Variants in STRN observed in about 807,000 individuals in gnomAD.
The protein encoded by STRN is striatin.
In STRN, 53 loss-of-function variants were observed where a neutral mutation model predicts 96.3. The observed-to-expected ratio is 0.55, with a 90% CI of 0.44 to 0.69. The LOEUF is 0.69. Among genes scored for constraint, STRN ranks in the 30% least tolerant of loss-of-function variants. The probability of loss-of-function intolerance (pLI) is 0.00; values close to 1 mark genes in which losing one functional copy is unlikely to be tolerated. For synonymous variants in STRN, 428 were observed against 355.9 expected, an observed-to-expected ratio of 1.20 and a Z score of -2.28; for missense variants, 987 against 963.9, an observed-to-expected ratio of 1.02 and a Z score of -0.32.
At position 36,957,275 on chromosome 2, in the gene STRN, C is replaced by G. The variant is rs1386930693; in HGVS notation, c.234+8955G>C. Among the ~76,000 whole-genome samples, 3 of 152,160 alleles carry G rather than the reference C, an allele frequency of 2.0e-5. No individual in the cohort carries two copies. The East Asian group carries it at 5.8e-4, about 29-fold the overall frequency. On this transcript the variant is annotated intron_variant, in intron 1 of 17. Coordinates refer to ENST00000263918, the MANE Select transcript of STRN (RefSeq NM_003162.4). ...CACATCAGCTGGGTGGCCCAAACAT[C>G]TTAAGTAATGCATTTACTTTAAAGT...
chr2:36,918,458 T>TTA (rs929057391), intron 2 of STRN, among the ~76,000 whole-genome samples: 9 of 151,782 alleles, frequency 5.9e-5, no homozygotes, highest in South Asian at 2.1e-4. Context: ...TTTATATTTT[T>TTA]TATATATATA....
chr2:36,879,120 G>C (rs927304426), intron 9 of STRN, among the ~76,000 whole-genome samples: 3 of 151,726 alleles, frequency 2.0e-5, no homozygotes, highest in Non-Finnish European at 4.4e-5. Context: ...GCCCAGGCTG[G>C]AGTGCACTGG....
At chr2:36,940,703 G>A (rs1466609708) in intron 1 of STRN, among the ~76,000 whole-genome samples, 1 of 151,806 alleles carries the variant, frequency 6.6e-6, no homozygotes, top group Non-Finnish European at 1.5e-5. Flanking sequence ...AGGCATGGTG[G>A]CGGGGCGCCT....
intron 1 of STRN, among the ~76,000 whole-genome samples, chr2:36,960,300 A>G (rs1664995486): frequency 1.3e-5 from 2 of 152,228 alleles, no homozygotes; most frequent in Admixed American, 1.3e-4. Flanking sequence ...AAGCAAATAC[A>G]CTTGAAGTAT....
At chr2:36,954,285 T>C (rs1447906683) in intron 1 of STRN, among the ~76,000 whole-genome samples, 2 of 151,824 alleles carry the variant, frequency 1.3e-5, no homozygotes, top group Non-Finnish European at 2.9e-5. Context: ...CTGAGGCAGA[T>C]GGATCACTTG....
intron 1 of STRN, among the ~76,000 whole-genome samples, chr2:36,949,817 G>A (rs1426382292): frequency 6.6e-6 from 1 of 152,128 alleles, no homozygotes; most frequent in African/African-American, 2.4e-5. Flanking sequence ...GCAAAAACTG[G>A]ACATGTACAA....
At chr2:36,958,358 G>A (rs534573135) in intron 1 of STRN, among the ~76,000 whole-genome samples, 11 of 152,220 alleles carry the variant, frequency 7.2e-5, no homozygotes, top group Admixed American at 4.6e-4. Context: ...TAAAGGAAAC[G>A]CAAAGACACT....
rs1668060531 is a variant in STRN at position 36,845,919 on chromosome 2, A to ACACACACACACACACACGCATG, written c.*3536_*3537insCATGCGTGTGTGTGTGTGTGTG. The ACACACACACACACACACGCATG allele has an allele frequency of 7.3e-5, 2 of 27,560 alleles. No individual in the cohort carries two copies. Among genetic ancestry groups the ACACACACACACACACACGCATG allele is most frequent in the Admixed American group, 5.7e-4 (1 of 1,740 alleles). 1.7% of individuals were successfully genotyped at this position (27,560 alleles called of 1,614,324 possible). On this transcript the variant is annotated 3_prime_UTR_variant, in exon 18 of 18. Coordinates refer to ENST00000263918, the MANE Select transcript of STRN (RefSeq NM_003162.4). ...CACACACACACACGCATGCATGCAC[A>ACACACACACACACACACGCATG]CACACACACACACACACACACACAC...
At chr2:36,887,419 G>A (rs1390478267) in intron 7 of STRN, among the ~76,000 whole-genome samples, 4 of 151,792 alleles carry the variant, frequency 2.6e-5, no homozygotes, top group Non-Finnish European at 5.9e-5. Flanking sequence ...GCAATGAGCC[G>A]AGATTGTGCC....
rs555947726 is a variant in STRN at position 36,842,329 on chromosome 2, T to A, written c.*7127A>T. 2 of 152,208 alleles carry A rather than the reference T, an allele frequency of 1.3e-5. No individual in the cohort carries two copies. Among genetic ancestry groups the A allele is most frequent in the African/African-American group, 4.8e-5 (2 of 41,454 alleles). 9.4% of individuals were successfully genotyped at this position (152,208 alleles called of 1,614,324 possible). ...GGCAATGAATTGGGAACCTGGTACATACACTAGATTTTATGATGGCATAAG... is the reference window on the plus strand; with the variant it reads ...GGCAATGAATTGGGAACCTGGTACAAACACTAGATTTTATGATGGCATAAG... On this transcript the variant is annotated 3_prime_UTR_variant, in exon 18 of 18. Coordinates refer to ENST00000263918, the MANE Select transcript of STRN (RefSeq NM_003162.4).
rs1277214701 is a variant in STRN, at chr2:36,966,385, G to C, written c.79C>G (p.Leu27Val). ...GAGGAKGLGP[L>V]AEAAAAGDGA... is the part of the protein sequence containing the mutation. ...TCGCCGGCCGCGGCAGCCTCCGCCA[G>C]AGGCCCGAGCCCCTTGGCACCGCCG... The change falls in exon 1 of 18, where the codon CTG becomes GTG. Residue 27 changes from leucine (L) to valine (V), a missense_variant. By Grantham distance (32) the Leu-to-Val change is conservative (BLOSUM62 1). Transcript: ENST00000263918. 5.5e-6 allele frequency: 8 copies of C among 1,461,674 alleles called. No homozygotes were observed. Among genetic ancestry groups the C allele is most frequent in the Non-Finnish European group, 7.2e-6 (8 of 1,109,064 alleles). 90.5% of individuals were successfully genotyped at this position (1,461,674 alleles called of 1,614,324 possible). A position where few individuals can be genotyped will look rare whatever the true frequency, so the allele number is the denominator to read the frequency against.
intron 15 of STRN, among the ~76,000 whole-genome samples, chr2:36,854,949 T>G (rs1668307535): frequency 6.6e-6 from 1 of 152,174 alleles, no homozygotes; most frequent in Non-Finnish European, 1.5e-5. Context: ...CAAATAGAAT[T>G]GAAAATTAAT....
rs1667929271 is a variant in STRN, at chr2:36,840,581, A to G, written c.*8875T>C. On this transcript the variant is annotated 3_prime_UTR_variant, in exon 18 of 18. Transcript: ENST00000263918. ...TGGTCTTTGATGATTTGTATAATTT[A>G]GATTTTGAAATGGGCTCTCTGATTA... is the stretch of plus-strand genomic sequence containing the variant. The G allele has an allele frequency of 1.4e-5, 2 of 147,984 alleles. No individual in the cohort carries two copies. Among genetic ancestry groups the G allele is most frequent in the South Asian group, 2.2e-4 (1 of 4,628 alleles). 9.2% of individuals were successfully genotyped at this position (147,984 alleles called of 1,614,324 possible).
chr2:36,945,276 G>A (rs1415241103), intron 1 of STRN, among the ~76,000 whole-genome samples: 1 of 152,128 alleles, frequency 6.6e-6, no homozygotes, highest in Non-Finnish European at 1.5e-5. Context: ...ACAACAGAGG[G>A]ACCATGTGCA....
At chr2:36,922,693 T>G (rs534459163) in intron 2 of STRN, among the ~76,000 whole-genome samples, 4 of 152,126 alleles carry the variant, frequency 2.6e-5, no homozygotes, top group Admixed American at 1.3e-4. Flanking sequence ...CACACAAAGA[T>G]TACAAATTTC....
chr2:36,900,496 T>C (rs187207084), intron 5 of STRN, among the ~76,000 whole-genome samples: 5 of 152,316 alleles, frequency 3.3e-5, no homozygotes, highest in Non-Finnish European at 2.9e-5. Flanking sequence ...CAAATTAACA[T>C]TGCTACTAGA....
intron 1 of STRN, among the ~76,000 whole-genome samples, chr2:36,937,476 C>T (rs1162439402): frequency 6.6e-6 from 1 of 151,808 alleles, no homozygotes; most frequent in East Asian, 1.9e-4. Context: ...CAAGACTAGC[C>T]TGGGCAACGC....
chr2:36,946,137 T>A lies in STRN; in HGVS notation c.234+20093A>T, dbSNP rs538278153. 2.6e-5 allele frequency among the ~76,000 whole-genome samples: 4 copies of A among 152,008 alleles called. No homozygotes were observed. The East Asian group carries it at 5.8e-4, about 22-fold the overall frequency. On this transcript the variant is annotated intron_variant, in intron 1 of 17. Transcript: ENST00000263918. ...TATAAATACCGGAAATATTTCCAGT[T>A]GATTTTTTTCTACCTAAATATTTCC...
chr2:36,864,389 C>G (rs1194094331), intron 12 of STRN, among the ~76,000 whole-genome samples: 1 of 152,138 alleles, frequency 6.6e-6, no homozygotes, highest in Non-Finnish European at 1.5e-5. Flanking sequence ...TATCGAAAGC[C>G]TTTTCTGCAT....
Sources: gnomAD v4.1 joint callset for allele counts (sites outside exome capture counted in the v4.1 genomes callset) on GRCh38, gnomAD v4.1.1 for gene constraint, MANE v1.5 for transcripts, NCBI Gene and HGNC (gene_info 2026-07-23, HGNC 2026-07-21) for gene names.